Variants in SLC24A2 observed in about 807,000 individuals in gnomAD.
SLC24A2 encodes the protein solute carrier family 24 member 2.
Under a neutral mutation model 62.0 loss-of-function variants are expected in SLC24A2, and 36 were observed. That is an observed-to-expected ratio of 0.58 (90% CI 0.44 to 0.77). The LOEUF (loss-of-function observed/expected upper bound fraction) is 0.77, where lower values mean the gene tolerates loss of function less well. SLC24A2 is among the 30% of genes least tolerant of loss of function. SLC24A2 has a pLI of 0.00. For synonymous variants in SLC24A2, 358 were observed against 294.0 expected (o/e 1.22, Z -2.23); for missense variants, 846 against 817.9 (o/e 1.03, Z -0.42).
chr9:20,032,239 T>C, the SLC24A2 span, among the ~76,000 whole-genome samples: 2 of 152,202 alleles, frequency 1.3e-5, no homozygotes, highest in African/African-American at 4.8e-5. Flanking sequence ...TCAATCTAAA[T>C]TCCTTAATTC....
chr9:20,060,521 G>A, the SLC24A2 span, among the ~76,000 whole-genome samples: 54 of 152,102 alleles, frequency 3.6e-4, no homozygotes, highest in East Asian at 3.3e-3. Flanking sequence ...TTTATACACC[G>A]TTGTAAAGTA....
chr9:19,851,029 T>TATATATATATATA, the SLC24A2 span, among the ~76,000 whole-genome samples: 1 of 91,786 alleles, frequency 1.1e-5, no homozygotes, highest in African/African-American at 4.5e-5. Context: ...ATATACATAT[T>TATATATATATATA]TTTTTTTTTT....
chr9:19,633,520 T>A (rs1223830262), intron 2 of SLC24A2, among the ~76,000 whole-genome samples: 2 of 152,246 alleles, frequency 1.3e-5, no homozygotes, highest in African/African-American at 4.8e-5. Context: ...CATTGTGGTA[T>A]CATAGTTGTT....
the SLC24A2 span, among the ~76,000 whole-genome samples, chr9:20,121,977 GA>G: frequency 2.0e-5 from 3 of 152,104 alleles, no homozygotes; most frequent in Non-Finnish European, 4.4e-5. Flanking sequence ...AAAACAAAAG[GA>G]AAAGAGAAAT....
chr9:20,139,778 A>C, the SLC24A2 span, among the ~76,000 whole-genome samples: 1 of 152,304 alleles, frequency 6.6e-6, no homozygotes, highest in South Asian at 2.1e-4. Context: ...AGACTGGAGA[A>C]ACAAATTTGT....
chr9:19,859,287 C>T, the SLC24A2 span, among the ~76,000 whole-genome samples: 1 of 151,836 alleles, frequency 6.6e-6, no homozygotes, highest in African/African-American at 2.4e-5. Context: ...TTAAGTAGGA[C>T]CTAACAATGA....
intron 1 of SLC24A2, among the ~76,000 whole-genome samples, chr9:19,787,855 C>T (rs1823221594): frequency 6.6e-6 from 1 of 152,088 alleles, no homozygotes; most frequent in South Asian, 2.1e-4. Flanking sequence ...ATAAACAATA[C>T]GCAAGTTGTA....
the SLC24A2 span, among the ~76,000 whole-genome samples, chr9:19,977,161 GAA>G: frequency 1.3e-5 from 2 of 151,740 alleles, no homozygotes; most frequent in East Asian, 3.9e-4. Flanking sequence ...GAGAGACAGA[GAA>G]AGAGAGAATT....
intron 2 of SLC24A2, among the ~76,000 whole-genome samples, chr9:19,667,603 T>C (rs1181563321): frequency 6.6e-6 from 1 of 152,134 alleles, no homozygotes; most frequent in Non-Finnish European, 1.5e-5. Flanking sequence ...TCTACTTCAG[T>C]CCATGGGAGC....
At chr9:19,748,724 G>C (rs974672742) in intron 2 of SLC24A2, among the ~76,000 whole-genome samples, 4 of 151,832 alleles carry the variant, frequency 2.6e-5, no homozygotes, top group East Asian at 1.9e-4. Context: ...TAACAACACA[G>C]CTAAAGACAT....
the SLC24A2 span, among the ~76,000 whole-genome samples, chr9:20,094,799 TATG>T: frequency 1.3e-5 from 2 of 152,150 alleles, no homozygotes; most frequent in Non-Finnish European, 2.9e-5. Context: ...ATGACCAGTG[TATG>T]ATGTTAATAT....
At chr9:20,115,264 TG>T in the SLC24A2 span, among the ~76,000 whole-genome samples, 2 of 152,140 alleles carry the variant, frequency 1.3e-5, no homozygotes, top group Non-Finnish European at 2.9e-5. Context: ...CTGCCCAGAT[TG>T]GTAAAGGGAG....
At chr9:20,043,703 T>C in the SLC24A2 span, among the ~76,000 whole-genome samples, 4 of 152,172 alleles carry the variant, frequency 2.6e-5, no homozygotes, top group African/African-American at 7.2e-5. Context: ...CACAATCTCA[T>C]GACAAAACTT....
the SLC24A2 span, among the ~76,000 whole-genome samples, chr9:20,189,300 A>C: frequency 1.3e-5 from 2 of 152,084 alleles, no homozygotes; most frequent in Non-Finnish European, 2.9e-5. Flanking sequence ...GTTTCCAGAG[A>C]ACAACAATGA....
intron 2 of SLC24A2, among the ~76,000 whole-genome samples, chr9:19,625,505 T>C (rs1449161028): frequency 1.3e-5 from 2 of 152,046 alleles, no homozygotes; most frequent in Non-Finnish European, 2.9e-5. Context: ...CAGCAAGACT[T>C]TGGCAGGCCA....
At chr9:20,093,217 C>A in the SLC24A2 span, among the ~76,000 whole-genome samples, 3 of 151,906 alleles carry the variant, frequency 2.0e-5, no homozygotes. Flanking sequence ...GGATTACAGG[C>A]ATGCACGACC....
chr9:19,751,280 A>T (rs897144197), intron 2 of SLC24A2, among the ~76,000 whole-genome samples: 1 of 152,230 alleles, frequency 6.6e-6, no homozygotes, highest in Non-Finnish European at 1.5e-5. Flanking sequence ...GGCCAGAGCT[A>T]CTATCATGTC....
the SLC24A2 span, among the ~76,000 whole-genome samples, chr9:19,834,556 C>T: frequency 3.9e-5 from 6 of 152,112 alleles, no homozygotes; most frequent in African/African-American, 1.4e-4. Context: ...ACAAAGCCTC[C>T]AAGAAATATG....
At chr9:19,845,753 C>T in the SLC24A2 span, among the ~76,000 whole-genome samples, 1 of 152,072 alleles carries the variant, frequency 6.6e-6, no homozygotes, top group South Asian at 2.1e-4. Flanking sequence ...CTTAACACTG[C>T]TTTTGTTGCA....
Sources: gnomAD v4.1 joint callset for allele counts (sites outside exome capture counted in the v4.1 genomes callset) on GRCh38, gnomAD v4.1.1 for gene constraint, MANE v1.5 for transcripts, NCBI Gene and HGNC (gene_info 2026-07-23, HGNC 2026-07-21) for gene names.